MAST2: variants seen among roughly 807,000 people sequenced by gnomAD.
MAST2 encodes microtubule associated serine/threonine kinase 2.
MAST2 carries 70 observed loss-of-function variants against 147.4 expected under a neutral mutation model. That is an observed-to-expected ratio of 0.47 (90% CI 0.39 to 0.58). The LOEUF is 0.58. Among genes scored for constraint, MAST2 ranks in the 20% least tolerant of loss-of-function variants. MAST2 has a pLI of 0.00. For missense variants in MAST2, 2,080 were observed against 2,302.3 expected (o/e 0.90, Z 1.98); for synonymous variants, 869 against 896.8 (o/e 0.97, Z 0.55).
intron 4 of MAST2, among the ~76,000 whole-genome samples, chr1:45,894,190 TG>T (rs1648335175): frequency 6.6e-6 from 1 of 151,356 alleles, no homozygotes; most frequent in Non-Finnish European, 1.5e-5. Flanking sequence ...CACTCTAGCC[TG>T]GGTGACAGTG....
At position 46,023,861 on chromosome 1, in the gene MAST2, T is replaced by A. The variant is rs1391553692; in HGVS notation, c.1661T>A (p.Ile554Asn). The change falls in exon 15 of 29, where the codon ATC becomes AAC. Residue 554 changes from isoleucine to asparagine, a missense_variant. Transcript: ENST00000361297. The surrounding 1 kb of genome is among the most constrained non-coding windows in gnomAD (Gnocchi z 4.9). Reference sequence around the variant, plus strand: ...CAGAACCTGATCCTACGGAACCAGATCCAGCAGGCCTTCGTGGAGCGTGAC... The same window carrying A: ...CAGAACCTGATCCTACGGAACCAGAACCAGCAGGCCTTCGTGGAGCGTGAC... ...NKQNLILRNQ[I>N]QQAFVERDIL... 6.2e-7 allele frequency: 1 copy of A among 1,613,982 alleles called. No homozygotes were observed. The highest frequency in any genetic ancestry group is 8.5e-7 in the Non-Finnish European group (1 of 1,180,034).
intron 4 of MAST2, among the ~76,000 whole-genome samples, chr1:45,920,994 T>TTTTG (rs908630468): frequency 9.2e-5 from 14 of 152,172 alleles, no homozygotes; most frequent in South Asian, 2.1e-4. Flanking sequence ...CTGTGGTGTT[T>TTTTG]TTTGTTTGTT....
chr1:45,861,961 A>G (rs749116992), intron 3 of MAST2, among the ~76,000 whole-genome samples: 1 of 152,178 alleles, frequency 6.6e-6, no homozygotes, highest in Non-Finnish European at 1.5e-5. Flanking sequence ...GTCCCTGACT[A>G]TCTTTTCTTG....
At position 46,006,888 on chromosome 1, in the gene MAST2, C is replaced by T. The variant is rs144090136; in HGVS notation, c.902+493C>T. 1.8e-3 allele frequency among the ~76,000 whole-genome samples: 276 copies of T among 152,326 alleles called. 2 individuals are homozygous for T. In the South Asian group the frequency reaches 0.028, roughly 16 times the overall value. ...CTGATGGTTATCTGGCTCCAGAACC[C>T]ATTGGCCCTGGGTGTATGATCTAGG... On this transcript the variant is annotated intron_variant, in intron 8 of 28. Coordinates refer to ENST00000361297, the MANE Select transcript of MAST2 (RefSeq NM_015112.3).
intron 18 of MAST2, 159 bp downstream of exon 18, chr1:46,029,092 A>G (rs1245694453): frequency 4.0e-6 from 3 of 753,508 alleles, no homozygotes; most frequent in South Asian, 3.9e-5. Flanking sequence ...GTGTTTCTGC[A>G]TGTACATACA....
intron 3 of MAST2, among the ~76,000 whole-genome samples, chr1:45,854,336 C>CA (rs61252218): frequency 2.0e-3 from 252 of 128,716 alleles, no homozygotes; most frequent in African/African-American, 3.9e-3. Context: ...CCCTCTGTCT[C>CA]AAAAAAAAAA....
At position 45,987,410 on chromosome 1, in the gene MAST2, C is replaced by T. The variant is rs192947715; in HGVS notation, c.593-10314C>T. Among the ~76,000 whole-genome samples the T allele has an allele frequency of 1.5e-3, 232 of 152,156 alleles. 3 individuals are homozygous for T. The highest frequency in any genetic ancestry group is 5.4e-3 in the African/African-American group (225 of 41,492). On this transcript the variant is annotated intron_variant, in intron 5 of 28. Coordinates refer to ENST00000361297, the MANE Select transcript of MAST2 (RefSeq NM_015112.3). ...CTCACTGAAGCTTCAACCTCCTGGGCTCAAGCAGTCTTCCCACTTCAGCCT... is the reference window on the plus strand; with the variant it reads ...CTCACTGAAGCTTCAACCTCCTGGGTTCAAGCAGTCTTCCCACTTCAGCCT...
intron 5 of MAST2, among the ~76,000 whole-genome samples, chr1:45,990,956 A>G (rs555520128): frequency 9.8e-5 from 15 of 152,292 alleles, no homozygotes; most frequent in Admixed American, 3.3e-4. Context: ...GCCAAACCCA[A>G]GGTCACCTAG....
chr1:45,950,630 A>T (rs192448280), intron 4 of MAST2, among the ~76,000 whole-genome samples: 1 of 152,236 alleles, frequency 6.6e-6, no homozygotes, highest in Admixed American at 6.5e-5. Flanking sequence ...CAAACTTAAC[A>T]CTTCTATTAA....
chr1:45,882,260 T>G, intron 3 of MAST2, 104 bp from the exon 4 acceptor site: 1 of 666,324 alleles, frequency 1.5e-6, no homozygotes, highest in South Asian at 1.9e-5. Flanking sequence ...TATGTGGCCT[T>G]TTCCATTATT....
At position 46,035,924 on chromosome 1, in the gene MAST2, A is replaced by T. The variant is rs749201243; in HGVS notation, c.5255A>T (p.Asp1752Val). 2.5e-5 allele frequency: 40 copies of T among 1,614,048 alleles called. No individual in the cohort carries two copies. Among genetic ancestry groups the T allele is most frequent in the Non-Finnish European group, 2.9e-5 (34 of 1,180,022 alleles). ...SITQVPDASG[D>V]RRQDVPCRGC... ...ACCCAAGTGCCTGATGCCTCAGGTG[A>T]CAGAAGGCAGGACGTTCCATGCCGA... The change falls in exon 29 of 29, where the codon GAC becomes GTC. Residue 1752 changes from aspartate (D) to valine (V), a missense_variant. Asp to Val is a radical substitution (Grantham distance 152, BLOSUM62 -3). Coordinates refer to ENST00000361297, the MANE Select transcript of MAST2 (RefSeq NM_015112.3). The surrounding 1 kb of genome is among the most constrained non-coding windows in gnomAD (Gnocchi z 5.5).
intron 21 of MAST2, 99 bp downstream of exon 21, chr1:46,030,337 G>A: frequency 8.3e-7 from 1 of 1,197,934 alleles, no homozygotes; most frequent in Non-Finnish European, 1.2e-6. Flanking sequence ...GGGAGTTGGG[G>A]TTGGGGCCAC....
chr1:45,955,446 G>T (rs1350475143), intron 4 of MAST2, among the ~76,000 whole-genome samples: 1 of 152,000 alleles, frequency 6.6e-6, no homozygotes, highest in Admixed American at 6.6e-5. Flanking sequence ...CCCATAGTTG[G>T]TTGAATCCAT....
At chr1:45,984,339 TTTCAACTAGGCTACAGTGCAG>T (rs1357840740) in intron 5 of MAST2, among the ~76,000 whole-genome samples, 1 of 151,830 alleles carries the variant, frequency 6.6e-6, no homozygotes, top group Admixed American at 6.6e-5. Context: ...AGTCTCATTC[TTTCAACTAGGCTACAGTGCAG>T]TGACACAATC....
intron 5 of MAST2, among the ~76,000 whole-genome samples, chr1:45,976,474 G>A (rs569200210): frequency 1.3e-5 from 2 of 152,218 alleles, no homozygotes; most frequent in South Asian, 4.2e-4. Context: ...GCACATGCCT[G>A]TAATCCCAGC....
At chr1:46,006,571 C>T (rs1391156819) in intron 8 of MAST2, 176 bp downstream of exon 8, 1 of 427,926 alleles carries the variant, frequency 2.3e-6, no homozygotes, top group South Asian at 1.1e-4. Flanking sequence ...AAAGTATCCA[C>T]AAATAATATA....
chr1:45,934,185 C>T (rs1408812809), intron 4 of MAST2, among the ~76,000 whole-genome samples: 1 of 152,082 alleles, frequency 6.6e-6, no homozygotes, highest in East Asian at 1.9e-4. Context: ...GTTTTCTGTT[C>T]CTGCATTAAT....
At chr1:45,994,995 C>G (rs4660904) in intron 5 of MAST2, among the ~76,000 whole-genome samples, 2 of 151,792 alleles carry the variant, frequency 1.3e-5, no homozygotes, top group African/African-American at 2.4e-5. Context: ...CCCGCCACCA[C>G]GCCCGGCTAA....
intron 4 of MAST2, among the ~76,000 whole-genome samples, chr1:45,928,386 A>C (rs775697506): frequency 2.6e-5 from 4 of 152,230 alleles, no homozygotes; most frequent in Non-Finnish European, 4.4e-5. Context: ...GGTTTTTTGG[A>C]ATCAGTAGCC....
Sources: allele counts gnomAD v4.1 joint callset (sites outside exome capture counted in the v4.1 genomes callset), GRCh38; gene constraint gnomAD v4.1.1; non-coding constraint Gnocchi (gnomAD v3.1); transcripts MANE v1.5; gene names NCBI Gene and HGNC (gene_info 2026-07-23, HGNC 2026-07-21).